MINDY2: variants seen among roughly 807,000 people sequenced by gnomAD.
MINDY2 encodes the protein MINDY lysine 48 deubiquitinase 2.
MINDY2 carries 52 observed loss-of-function variants against 68.2 expected under a neutral mutation model. The observed-to-expected ratio is 0.76, with a 90% CI of 0.61 to 0.96. MINDY2 has a LOEUF of 0.96. Among genes scored for constraint, MINDY2 ranks in the 40% least tolerant of loss-of-function variants. The pLI is 0.00. For synonymous variants in MINDY2, 372 were observed against 303.0 expected, an observed-to-expected ratio of 1.23 and a Z score of -2.36; for missense variants, 881 against 773.4, an observed-to-expected ratio of 1.14 and a Z score of -1.65.
At chr15:58,802,732 A>G (rs1902750535) in intron 3 of MINDY2, among the ~76,000 whole-genome samples, 1 of 151,720 alleles carries the variant, frequency 6.6e-6, no homozygotes, top group Admixed American at 6.6e-5. Context: ...TTTTATTTAT[A>G]TTTTACAATT....
intron 5 of MINDY2, among the ~76,000 whole-genome samples, chr15:58,828,575 C>CTTTTTT (rs1163905877): frequency 1.0e-4 from 11 of 106,144 alleles, no homozygotes; most frequent in Non-Finnish European, 1.5e-4. Context: ...TATTGAATTT[C>CTTTTTT]TTTTTTTTTT....
At chr15:58,773,368 CT>C (rs1430799791) in intron 1 of MINDY2, among the ~76,000 whole-genome samples, 1 of 152,170 alleles carries the variant, frequency 6.6e-6, no homozygotes, top group Non-Finnish European at 1.5e-5. Flanking sequence ...TCAAACATGC[CT>C]TTATCTTCCT....
At position 58,771,929 on chromosome 15, in the gene MINDY2, G is replaced by A. The variant is rs983184330; in HGVS notation, c.534G>A (p.Ser178=). ...GESPSLDSLE[S]FSNLHSFPSS... ...CTCCGAGCCTGGACTCTCTGGAGTC[G>A]TTCTCTAACCTGCATTCTTTTCCCA... is the stretch of plus-strand genomic sequence containing the variant. The change falls in exon 1 of 9, where the codon TCG becomes TCA. Residue 178 remains serine, a synonymous_variant. Transcript: ENST00000559228. The A allele has an allele frequency of 6.4e-7, 1 of 1,553,516 alleles. No homozygotes were observed. Among genetic ancestry groups the A allele is most frequent in the Non-Finnish European group, 8.7e-7 (1 of 1,151,640 alleles).
chr15:58,831,967 G>C, intron 6 of MINDY2, 51 bp downstream of exon 6: 1 of 1,523,410 alleles, frequency 6.6e-7, no homozygotes, highest in Non-Finnish European at 8.8e-7. Flanking sequence ...AAAGGAGCTT[G>C]ATTTAGAGTT....
At chr15:58,840,969 A>ATT (rs371021666) in intron 6 of MINDY2, among the ~76,000 whole-genome samples, 3 of 132,466 alleles carry the variant, frequency 2.3e-5, no homozygotes, top group South Asian at 2.4e-4. Flanking sequence ...CGCCTGGCCA[A>ATT]TTTTTTTTTT....
chr15:58,850,886 TC>T (rs2032777708), intron 7 of MINDY2, among the ~76,000 whole-genome samples: 1 of 151,316 alleles, frequency 6.6e-6, no homozygotes, highest in Admixed American at 6.6e-5. Flanking sequence ...TGTACCTGGC[TC>T]CCCGCTACTT....
chr15:58,818,813 G>A (rs1481428695), intron 4 of MINDY2, among the ~76,000 whole-genome samples: 2 of 147,882 alleles, frequency 1.4e-5, no homozygotes, highest in Non-Finnish European at 3.0e-5. Context: ...CTAATTTTTT[G>A]TATTTTTTGT....
At chr15:58,835,316 T>C (rs1455661136) in intron 6 of MINDY2, among the ~76,000 whole-genome samples, 1 of 152,196 alleles carries the variant, frequency 6.6e-6, no homozygotes, top group African/African-American at 2.4e-5. Context: ...ACTTATAACT[T>C]AGGGATTGTC....
intron 3 of MINDY2, among the ~76,000 whole-genome samples, chr15:58,808,998 C>G (rs2030025173): frequency 6.6e-6 from 1 of 152,160 alleles, no homozygotes; most frequent in African/African-American, 2.4e-5. Context: ...ATCACTTGAG[C>G]TCAGAAATTC....
chr15:58,847,176 T>A (rs2032577174), intron 6 of MINDY2, 121 bp from the exon 7 acceptor site: 2 of 728,544 alleles, frequency 2.7e-6, no homozygotes, highest in African/African-American at 3.5e-5. Context: ...GTTGTACAGA[T>A]CTAAACAGTA....
intron 5 of MINDY2, among the ~76,000 whole-genome samples, chr15:58,824,853 A>T (rs1381801234): frequency 1.3e-5 from 2 of 152,072 alleles, no homozygotes; most frequent in African/African-American, 4.8e-5. Flanking sequence ...TATTTTTAGT[A>T]GAGATGAGAT....
intron 6 of MINDY2, among the ~76,000 whole-genome samples, chr15:58,844,158 T>C (rs2032410930): frequency 6.6e-6 from 1 of 152,188 alleles, no homozygotes; most frequent in African/African-American, 2.4e-5. Flanking sequence ...GATTTAACCA[T>C]AGACTCTCAG....
chr15:58,838,282 C>G (rs189472798), intron 6 of MINDY2, among the ~76,000 whole-genome samples: 1 of 151,956 alleles, frequency 6.6e-6, no homozygotes, highest in Non-Finnish European at 1.5e-5. Flanking sequence ...CCCGTAATGC[C>G]AGCTACTCAG....
intron 5 of MINDY2, among the ~76,000 whole-genome samples, chr15:58,830,806 A>G (rs1363165390): frequency 6.6e-6 from 1 of 152,122 alleles, no homozygotes; most frequent in African/African-American, 2.4e-5. Flanking sequence ...AGAGAGCTGA[A>G]GCAAGAAGGC....
At chr15:58,852,117 T>A (rs1288387501) in intron 8 of MINDY2, 152 bp downstream of exon 8, 1 of 509,142 alleles carries the variant, frequency 2.0e-6, no homozygotes, top group South Asian at 2.9e-5. Flanking sequence ...CAAAACCCTA[T>A]CTCTATTAAA....
intron 1 of MINDY2, among the ~76,000 whole-genome samples, chr15:58,780,684 C>T (rs972196316): frequency 1.6e-4 from 24 of 152,156 alleles, no homozygotes; most frequent in Non-Finnish European, 3.1e-4. Context: ...GTTTTTAGCT[C>T]TCTGTACTTT....
At chr15:58,805,302 C>T (rs1470104069) in intron 3 of MINDY2, among the ~76,000 whole-genome samples, 1 of 152,094 alleles carries the variant, frequency 6.6e-6, no homozygotes, top group African/African-American at 2.4e-5. Context: ...TAATAGTGTT[C>T]TTTTTTGTGT....
chr15:58,833,396 A>G (rs1353607500), intron 6 of MINDY2, among the ~76,000 whole-genome samples: 1 of 152,200 alleles, frequency 6.6e-6, no homozygotes, highest in African/African-American at 2.4e-5. Flanking sequence ...AGGTGGAACA[A>G]GAGACTTGGA....
intron 2 of MINDY2, among the ~76,000 whole-genome samples, chr15:58,801,592 A>T (rs1902665263): frequency 6.6e-6 from 1 of 152,136 alleles, no homozygotes; most frequent in Admixed American, 6.6e-5. Flanking sequence ...TTAAAAGGTG[A>T]TACCAAATAA....
Sources: allele counts gnomAD v4.1 joint callset (sites outside exome capture counted in the v4.1 genomes callset), GRCh38; gene constraint gnomAD v4.1.1; transcripts MANE v1.5; gene names NCBI Gene and HGNC (gene_info 2026-07-23, HGNC 2026-07-21).